Variants in IL13RA1 observed in about 807,000 individuals in gnomAD.
IL13RA1 encodes the protein interleukin-13 receptor subunit alpha-1.
In IL13RA1, 14 loss-of-function variants were observed where a neutral mutation model predicts 33.8. That is an observed-to-expected ratio of 0.41 (90% CI 0.27 to 0.65). The LOEUF (loss-of-function observed/expected upper bound fraction) is 0.65, where lower values mean the gene tolerates loss of function less well. IL13RA1 is among the 30% of genes least tolerant of loss of function. The probability of loss-of-function intolerance (pLI) is 0.28; values close to 1 mark genes in which losing one functional copy is unlikely to be tolerated. For missense variants in IL13RA1, 313 were observed against 327.0 expected (o/e 0.96, Z 0.33); for synonymous variants, 116 against 115.7 (o/e 1.00, Z -0.02).
At chrX:118,784,109 ACGTATATATGTATATATATG>A (rs2017882400) in intron 10 of IL13RA1, among the ~76,000 whole-genome samples, 1 of 51,458 alleles carries the variant, frequency 1.9e-5, no homozygotes, top group African/African-American at 7.0e-5. Flanking sequence ...ATATATATAT[ACGTATATATGTATATATATG>A]TATATATATA....
chrX:118,789,501 C>T (rs1322306749), intron 10 of IL13RA1, among the ~76,000 whole-genome samples: 1 of 111,617 alleles, frequency 9.0e-6, no homozygotes, highest in Non-Finnish European at 1.9e-5. Context: ...TGTACTTTTT[C>T]CCAAGTTTAT....
chrX:118,795,665 TC>T (rs1351846328), downstream of IL13RA1, among the ~76,000 whole-genome samples: 3 of 112,159 alleles, frequency 2.7e-5, no homozygotes, highest in Non-Finnish European at 5.6e-5. Context: ...GAAAACAAAT[TC>T]CTGTAGCCAC....
At chrX:118,733,825 T>G (rs142103134) in intron 1 of IL13RA1, among the ~76,000 whole-genome samples, 192 of 111,862 alleles carry the variant, frequency 1.7e-3, no homozygotes, top group African/African-American at 5.9e-3. Context: ...TCCAATTTCA[T>G]TCTTTTTCAT....
At chrX:118,738,781 C>CTTTTTT (rs144796443) in intron 1 of IL13RA1, among the ~76,000 whole-genome samples, 3 of 60,229 alleles carry the variant, frequency 5.0e-5, no homozygotes, top group Non-Finnish European at 8.8e-5. Context: ...ATTTTAAGTC[C>CTTTTTT]TTTTTTTTTT....
chrX:118,769,039 A>C (rs2017681176), intron 8 of IL13RA1, among the ~76,000 whole-genome samples: 1 of 112,445 alleles, frequency 8.9e-6, no homozygotes, highest in Admixed American at 9.4e-5. Context: ...ACAGTGTGAG[A>C]GAACACGCAA....
At chrX:118,757,520 G>C (rs1350053106) in intron 4 of IL13RA1, among the ~76,000 whole-genome samples, 2 of 59,856 alleles carry the variant, frequency 3.3e-5, no homozygotes, top group East Asian at 6.5e-4. Flanking sequence ...GTGAGACTCT[G>C]TCTCAAAAAA....
chrX:118,770,349 A>C (rs2017702075), intron 8 of IL13RA1: 1 of 361,401 alleles, frequency 2.8e-6, no homozygotes, highest in Non-Finnish European at 5.3e-6. Context: ...GTGCCGCGCT[A>C]CCGCACTGCA....
At chrX:118,750,452 C>T (rs2017459201) in intron 4 of IL13RA1, among the ~76,000 whole-genome samples, 1 of 110,450 alleles carries the variant, frequency 9.1e-6, no homozygotes, top group Admixed American at 9.7e-5. Flanking sequence ...ATCACGAGGC[C>T]ACTCCTTTTT....
chrX:118,750,529 T>A (rs1265739052), intron 4 of IL13RA1, among the ~76,000 whole-genome samples: 1 of 111,594 alleles, frequency 9.0e-6, no homozygotes, highest in Non-Finnish European at 1.9e-5. Flanking sequence ...TTAAAGGATA[T>A]CTCAGTTTTT....
intron 2 of IL13RA1, among the ~76,000 whole-genome samples, chrX:118,741,636 T>G (rs2017345325): frequency 8.9e-6 from 1 of 111,903 alleles, no homozygotes; most frequent in Non-Finnish European, 1.9e-5. Flanking sequence ...AGTAGAGGGT[T>G]CTGTAATGCC....
At chrX:118,790,271 A>G (rs2017962005) in intron 10 of IL13RA1, among the ~76,000 whole-genome samples, 1 of 112,304 alleles carries the variant, frequency 8.9e-6, no homozygotes, top group Non-Finnish European at 1.9e-5. Flanking sequence ...TTTACTCAGC[A>G]TAATGTGTTT....
chrX:118,728,269 T>C (rs2017178514), intron 1 of IL13RA1, among the ~76,000 whole-genome samples: 1 of 112,444 alleles, frequency 8.9e-6, no homozygotes, highest in Non-Finnish European at 1.9e-5. Flanking sequence ...AGGGAACCTC[T>C]AAACATCTCA....
At chrX:118,782,767 A>ATT (rs35301680) in intron 10 of IL13RA1, among the ~76,000 whole-genome samples, 2 of 99,360 alleles carry the variant, frequency 2.0e-5, no homozygotes, top group African/African-American at 7.4e-5. Flanking sequence ...CCAGCTAATA[A>ATT]TTTTTTTTTT....
chrX:118,765,836 T>C (rs2017642374), intron 6 of IL13RA1, among the ~76,000 whole-genome samples: 2 of 112,566 alleles, frequency 1.8e-5, no homozygotes, highest in South Asian at 3.6e-4. Context: ...TGTATTGTTA[T>C]CTTGTGGATT....
chrX:118,766,864 C>T lies in IL13RA1; in HGVS notation c.897C>T (p.Val299=), dbSNP rs2017655187. 9.4e-7 allele frequency: 1 copy of T among 1,058,553 alleles called. No individual in the cohort carries two copies. The highest frequency in any genetic ancestry group is 1.8e-5 in the African/African-American group (1 of 54,497). 87.2% of individuals were successfully genotyped at this position (1,058,553 alleles called of 1,213,427 possible). ...CTAAGAATACATCTTGTTTCATGGT[C>T]CCTGGTGTTCTTCCTGATACTTTGA... is the stretch of plus-strand genomic sequence containing the variant. The part of the protein sequence containing the change: ...RNVENTSCFM[V]PGVLPDTLNT... Residue 299 remains valine, a synonymous_variant, in exon 8 of 11, where the codon GTC becomes GTT. Coordinates refer to ENST00000371666, the MANE Select transcript of IL13RA1 (RefSeq NM_001560.3).
At chrX:118,779,627 G>A (rs185045504) in intron 10 of IL13RA1, among the ~76,000 whole-genome samples, 18 of 111,662 alleles carry the variant, frequency 1.6e-4, no homozygotes, top group Admixed American at 6.7e-4. Context: ...CCTATAGTGA[G>A]CATGTACTAC....
chrX:118,774,532 T>C (rs2017761726), intron 9 of IL13RA1, among the ~76,000 whole-genome samples: 1 of 112,561 alleles, frequency 8.9e-6, no homozygotes. Flanking sequence ...TGCATGTGTT[T>C]AGGATTGTTG....
intron 4 of IL13RA1, among the ~76,000 whole-genome samples, chrX:118,754,937 C>CTTTTTTTTTTTTTTTTTTTTTTT (rs66888164): frequency 2.2e-5 from 2 of 92,724 alleles, no homozygotes; most frequent in African/African-American, 4.1e-5. Flanking sequence ...CGGAGTCTTT[C>CTTTTTTTTTTTTTTTTTTTTTTT]TTTTTTTTTT....
intron 10 of IL13RA1, among the ~76,000 whole-genome samples, chrX:118,789,153 T>G (rs1209080212): frequency 8.9e-6 from 1 of 112,411 alleles, no homozygotes; most frequent in Non-Finnish European, 1.9e-5. Context: ...TAAGTTATGG[T>G]GCATTCATGC....
Sources: allele counts gnomAD v4.1 joint callset (sites outside exome capture counted in the v4.1 genomes callset), GRCh38; gene constraint gnomAD v4.1.1; transcripts MANE v1.5; gene names NCBI Gene and HGNC (gene_info 2026-07-23, HGNC 2026-07-21).